ARHGAP8: variants seen among roughly 807,000 people sequenced by gnomAD.
ARHGAP8 encodes the protein rho GTPase-activating protein 8.
ARHGAP8 carries 62 observed loss-of-function variants against 46.1 expected under a neutral mutation model. That is an observed-to-expected ratio of 1.34 (90% CI 1.10 to 1.66). The LOEUF is 1.66. Among genes scored for constraint, ARHGAP8 ranks in the 40% most tolerant of loss-of-function variants. ARHGAP8 has a pLI of 0.00. For synonymous variants in ARHGAP8, 375 were observed against 243.1 expected, an observed-to-expected ratio of 1.54 and a Z score of -5.05; for missense variants, 923 against 568.4, an observed-to-expected ratio of 1.62 and a Z score of -6.34.
In ARHGAP8 at chr22:44,825,465, C is replaced by A. The variant is rs777330904; in HGVS notation, c.486-18C>A. ...CTGCCCCTGCCAGGTGAGATCCCAG[C>A]CTCTGTTGTGTCTACAGGTACGATG... On this transcript the variant is annotated intron_variant, in intron 6 of 11. Coordinates refer to ENST00000356099, the MANE Select transcript of ARHGAP8 (RefSeq NM_181335.3). The A allele has an allele frequency of 1.2e-6, 2 of 1,605,900 alleles. No individual in the cohort carries two copies. Among genetic ancestry groups the A allele is most frequent in the South Asian group, 2.2e-5 (2 of 90,592 alleles).
chr22:44,766,278 C>CGTCCCTGG (rs1427427963), intron 1 of ARHGAP8: 1 of 152,810 alleles, frequency 6.5e-6, no homozygotes, highest in Non-Finnish European at 1.5e-5. Flanking sequence ...AGAGGTTGTG[C>CGTCCCTGG]GTCCCTGGAG....
intron 7 of ARHGAP8, among the ~76,000 whole-genome samples, chr22:44,826,816 C>G (rs1930555813): frequency 6.6e-6 from 1 of 152,160 alleles, no homozygotes; most frequent in Non-Finnish European, 1.5e-5. Context: ...GTGCATCGGT[C>G]ACCTGCCCTT....
At chr22:44,824,384 TC>T (rs1396411735) in intron 6 of ARHGAP8, among the ~76,000 whole-genome samples, 1 of 152,136 alleles carries the variant, frequency 6.6e-6, no homozygotes, top group African/African-American at 2.4e-5. Context: ...CCAGGCTCAG[TC>T]CAGTGCACCA....
At chr22:44,822,289 CAA>C in intron 5 of ARHGAP8, 80 bp from the exon 6 acceptor site, 4 of 1,203,256 alleles carry the variant, frequency 3.3e-6, no homozygotes, top group Non-Finnish European at 3.5e-6. Context: ...GTTCTGCCGC[CAA>C]CTCCCCCTCC....
At chr22:44,761,266 C>T (rs1313986702) in intron 1 of ARHGAP8, among the ~76,000 whole-genome samples, 1 of 152,178 alleles carries the variant, frequency 6.6e-6, no homozygotes, top group Non-Finnish European at 1.5e-5. Context: ...TCCGTGGCCT[C>T]TGTAACCGTG....
chr22:44,797,922 C>G (rs1484413254), intron 2 of ARHGAP8, among the ~76,000 whole-genome samples: 2 of 152,126 alleles, frequency 1.3e-5, no homozygotes, highest in Non-Finnish European at 2.9e-5. Flanking sequence ...AGCCTTCCAC[C>G]TCAGCCTCCC....
chr22:44,846,751 G>A (rs575262657), intron 8 of ARHGAP8, among the ~76,000 whole-genome samples: 8 of 152,226 alleles, frequency 5.3e-5, no homozygotes, highest in Non-Finnish European at 8.8e-5. Flanking sequence ...TGCCTCCCTC[G>A]TGCCAGACTC....
intron 4 of ARHGAP8, among the ~76,000 whole-genome samples, chr22:44,812,584 T>A (rs145014697): frequency 0.013 from 2,020 of 152,034 alleles, 41 homozygotes; most frequent in African/African-American, 0.047. Context: ...CTCCATCTCT[T>A]GACCTCGTGA....
rs1320372020 is a variant in ARHGAP8, at chr22:44,818,767, G to A, written c.387-3604G>A. Among the ~76,000 whole-genome samples the A allele has an allele frequency of 3.3e-5, 5 of 151,760 alleles. No individual in the cohort carries two copies. The East Asian group carries it at 9.6e-4, about 29-fold the overall frequency. Reference sequence around the variant, plus strand: ...GCTGGAGTGCAGTGGTGCAATCATGGCTCACTGCATCCTTAACCTCCTGGG... The same window carrying A: ...GCTGGAGTGCAGTGGTGCAATCATGACTCACTGCATCCTTAACCTCCTGGG... On this transcript the variant is annotated intron_variant, in intron 5 of 11. Coordinates refer to ENST00000356099, the MANE Select transcript of ARHGAP8 (RefSeq NM_181335.3).
intron 3 of ARHGAP8, 146 bp from the exon 4 acceptor site, chr22:44,808,161 G>A: frequency 8.0e-7 from 1 of 1,255,944 alleles, no homozygotes; most frequent in Non-Finnish European, 1.1e-6. Flanking sequence ...GGGAAATGAG[G>A]ACCGGGGCCC....
chr22:44,856,076 A>G (rs2070214075), intron 10 of ARHGAP8, among the ~76,000 whole-genome samples: 1 of 152,028 alleles, frequency 6.6e-6, no homozygotes, highest in African/African-American at 2.4e-5. Context: ...TCTCATGAGA[A>G]CAGCACCAAA....
intron 5 of ARHGAP8, among the ~76,000 whole-genome samples, chr22:44,816,522 C>T (rs1023949005): frequency 6.6e-6 from 1 of 152,180 alleles, no homozygotes; most frequent in African/African-American, 2.4e-5. Flanking sequence ...ACATCGAGAG[C>T]TACTCTGCAG....
At chr22:44,845,438 G>A in intron 8 of ARHGAP8, 96 bp downstream of exon 8, 3 of 1,548,286 alleles carry the variant, frequency 1.9e-6, no homozygotes, top group South Asian at 1.1e-5. Context: ...ACAAGCCAGG[G>A]GGTGTGACCA....
At chr22:44,760,321 G>T (rs762758905) in intron 1 of ARHGAP8, among the ~76,000 whole-genome samples, 2 of 152,168 alleles carry the variant, frequency 1.3e-5, no homozygotes, top group African/African-American at 2.4e-5. Flanking sequence ...TCCCAGCTCA[G>T]TAGTGACCCC....
chr22:44,832,938 A>G (rs1379969376), intron 7 of ARHGAP8, among the ~76,000 whole-genome samples: 1 of 151,780 alleles, frequency 6.6e-6, no homozygotes, highest in East Asian at 2.0e-4. Context: ...ACTAGCCTGG[A>G]CAACATAGCA....
Position 44,854,011 on chromosome 22 carries a change from C to T in ARHGAP8, c.877+4951C>T, listed in dbSNP as rs139328064. ...CATTGCACTCCAGCCTGGGACACAG[C>T]GAGACTCTGTCTCAAAAAAAAAAAA... On this transcript the variant is annotated intron_variant, in intron 10 of 11. Transcript: ENST00000356099. 6.8e-3 allele frequency among the ~76,000 whole-genome samples: 741 copies of T among 108,446 alleles called. 14 individuals are homozygous for T. Among genetic ancestry groups the T allele is most frequent in the East Asian group, 0.048 (163 of 3,378 alleles). The allele number at this position is 108,446 out of a possible 152,430, so 71.1% of individuals were successfully genotyped here.
intron 2 of ARHGAP8, among the ~76,000 whole-genome samples, chr22:44,791,332 T>C (rs1265964267): frequency 2.0e-5 from 3 of 152,142 alleles, no homozygotes; most frequent in Non-Finnish European, 4.4e-5. Context: ...GCAGACTTCC[T>C]TGGGAGATGA....
At chr22:44,770,016 C>A (rs944048473) in intron 1 of ARHGAP8, among the ~76,000 whole-genome samples, 3 of 152,268 alleles carry the variant, frequency 2.0e-5, no homozygotes, top group African/African-American at 7.2e-5. Context: ...GAGGCCGAGG[C>A]AGGTGGATCA....
intron 2 of ARHGAP8, among the ~76,000 whole-genome samples, chr22:44,799,816 A>AGGGGGTG (rs1317015568): frequency 8.2e-6 from 1 of 122,490 alleles, no homozygotes; most frequent in Non-Finnish European, 1.7e-5. Flanking sequence ...CTGAGAATCC[A>AGGGGGTG]GGGGGTGGGG....
Sources: gnomAD v4.1 joint callset for allele counts (sites outside exome capture counted in the v4.1 genomes callset) on GRCh38, gnomAD v4.1.1 for gene constraint, MANE v1.5 for transcripts, NCBI Gene and HGNC (gene_info 2026-07-23, HGNC 2026-07-21) for gene names.